WDR11: variants seen among roughly 807,000 people sequenced by gnomAD.
WDR11 encodes the protein WD repeat domain 11.
A neutral mutation model predicts 151.2 loss-of-function variants in WDR11; 83 were observed. The observed-to-expected ratio is 0.55, with a 90% CI of 0.46 to 0.66. The LOEUF is 0.66. Among genes scored for constraint, WDR11 ranks in the 30% least tolerant of loss-of-function variants. WDR11 has a pLI of 0.00. For synonymous variants in WDR11, 484 were observed against 533.1 expected (o/e 0.91, Z 1.27); for missense variants, 1,301 against 1,480.9 (o/e 0.88, Z 1.99).
At chr10:120,852,662 A>C (rs1245699830) in intron 2 of WDR11, 27 bp downstream of exon 2, 1 of 1,580,574 alleles carries the variant, frequency 6.3e-7, no homozygotes, top group Admixed American at 1.7e-5. Context: ...TTTGACGCTA[A>C]CATGTTGTCT....
At chr10:120,865,316 C>A in intron 6 of WDR11, 104 bp downstream of exon 6, 1 of 1,201,648 alleles carries the variant, frequency 8.3e-7, no homozygotes, top group Non-Finnish European at 1.2e-6. Context: ...TCCACTTTCT[C>A]TTTTCAATTT....
intron 25 of WDR11, 107 bp downstream of exon 25, chr10:120,904,918 G>GA: frequency 7.9e-7 from 1 of 1,261,924 alleles, no homozygotes. Flanking sequence ...ATATGCTGAA[G>GA]AAAAATAGAA....
intron 17 of WDR11, 138 bp from the exon 18 acceptor site, chr10:120,889,757 C>A: frequency 1.4e-6 from 1 of 701,090 alleles, no homozygotes; most frequent in Admixed American, 2.1e-5. Context: ...TCAGATGTGG[C>A]CCCCAGTCCC....
At chr10:120,890,208 A>T (rs182435089) in intron 18 of WDR11, among the ~76,000 whole-genome samples, 199 bp downstream of exon 18, 2 of 151,520 alleles carry the variant, frequency 1.3e-5, no homozygotes, top group Non-Finnish European at 2.9e-5. Context: ...TTATTTATTT[A>T]TTTATTTTTA....
In WDR11 at chr10:120,866,603, A is replaced by T; in HGVS notation, c.1029A>T (p.Leu343Phe). 6.2e-7 allele frequency: 1 copy of T among 1,614,204 alleles called. No homozygotes were observed. Among genetic ancestry groups the T allele is most frequent in the Non-Finnish European group, 8.5e-7 (1 of 1,180,042 alleles). The change falls in exon 8 of 29, where the codon TTA becomes TTT. Residue 343 changes from leucine to phenylalanine, a missense_variant. Leu to Phe is a conservative substitution (Grantham distance 22). This residue lies in a region of WDR11 where 692 missense variants were observed against 762.5 expected (regional missense o/e 0.91). Transcript: ENST00000263461. Reference protein sequence around the residue: ...PDPVQELTYDLRSQCDAIRVT... With the variant: ...PDPVQELTYDFRSQCDAIRVT... ...CAGTTCAGGAGCTTACCTATGATTT[A>T]CGAAGCCAGTGTGATGCAATCAGGG...
intron 5 of WDR11, among the ~76,000 whole-genome samples, chr10:120,863,830 C>T (rs12263051): frequency 0.3 from 46,024 of 151,860 alleles, 7,369 homozygotes; most frequent in East Asian, 0.42. Flanking sequence ...AGTATCACTT[C>T]TATATATTAA....
In WDR11 at chr10:120,885,831, C is replaced by T. The variant is rs1847196897; in HGVS notation, c.1866C>T (p.His622=). ...TITALEWSPS[H]NLKSLRKKQL... is the part of the protein sequence containing the mutation. ...CTTTACAGGAGTGGTCACCATCTCA[C>T]AACTTGAAGAGCCTGAGAAAGAAGC... The change falls in exon 15 of 29, where the codon CAC becomes CAT. Residue 622 remains histidine, a synonymous_variant. Coordinates refer to ENST00000263461, the MANE Select transcript of WDR11 (RefSeq NM_018117.12). 4 of 1,613,738 alleles carry T rather than the reference C, an allele frequency of 2.5e-6. No individual in the cohort carries two copies. In the African/African-American group the frequency reaches 4.0e-5, roughly 16 times the overall value.
intron 25 of WDR11, 115 bp downstream of exon 25, chr10:120,904,926 G>A (rs913252150): frequency 2.6e-5 from 32 of 1,222,364 alleles, no homozygotes; most frequent in Admixed American, 3.9e-5. Context: ...AAGAAAAATA[G>A]AAAAATTATT....
At position 120,908,819 on chromosome 10, in the gene WDR11, G is replaced by T; in HGVS notation, c.*106G>T. 1 of 1,294,220 alleles carries T rather than the reference G, an allele frequency of 7.7e-7. No individual in the cohort carries two copies. Among genetic ancestry groups the T allele is most frequent in the Non-Finnish European group, 1.1e-6 (1 of 900,706 alleles). The allele number at this position is 1,294,220 out of a possible 1,614,324, so 80.2% of individuals were successfully genotyped here. ...AGGATGAAGAGGAGTACAGGGTCCT[G>T]TGAGCTGTTTGACCACTGTTCTAAG... On this transcript the variant is annotated 3_prime_UTR_variant, in exon 29 of 29. Coordinates refer to ENST00000263461, the MANE Select transcript of WDR11 (RefSeq NM_018117.12).
rs933648575 is a variant in WDR11, at chr10:120,861,852, G to C, written c.527-883G>C. ...TTGCTAAATATGGTGCTCCCTCCTTGACTATTTTTGTTTCATGTACACTTA... is the reference window on the plus strand; with the variant it reads ...TTGCTAAATATGGTGCTCCCTCCTTCACTATTTTTGTTTCATGTACACTTA... On this transcript the variant is annotated intron_variant, in intron 4 of 28. Transcript: ENST00000263461. Among the ~76,000 whole-genome samples, 10 of 152,090 alleles carry C rather than the reference G, an allele frequency of 6.6e-5. 1 individual carries two copies. The highest frequency in any genetic ancestry group is 2.4e-4 in the African/African-American group (10 of 41,420).
intron 9 of WDR11, among the ~76,000 whole-genome samples, chr10:120,867,507 T>G (rs1239643662): frequency 6.6e-6 from 1 of 152,242 alleles, no homozygotes; most frequent in Non-Finnish European, 1.5e-5. Flanking sequence ...TGCTGTTTGC[T>G]GGTTCCTCAG....
Position 120,862,772 on chromosome 10 carries a change from C to G in WDR11, c.564C>G (p.Phe188Leu), listed in dbSNP as rs1374166514. The change falls in exon 5 of 29, where the codon TTC becomes TTG. Residue 188 changes from phenylalanine (F) to leucine (L), a missense_variant. Around this residue, in one of 3 missense-constraint regions of WDR11, gnomAD observed 692 missense variants for 762.5 expected, o/e 0.91. Transcript: ENST00000263461. ...AGGGTATTGTTTTCATCTCAGACTT[C>G]TCCCCATCCAAGCCTCCCTCAGGCC... is the stretch of plus-strand genomic sequence containing the variant. ...TSEGIVFISDFSPSKPPSGPG... is the reference protein window; with the variant it reads ...TSEGIVFISDLSPSKPPSGPG... The G allele has an allele frequency of 6.2e-7, 1 of 1,614,030 alleles. No individual in the cohort carries two copies. The highest frequency in any genetic ancestry group is 8.5e-7 in the Non-Finnish European group (1 of 1,180,036).
At chr10:120,859,253 C>T (rs1231030537) in intron 3 of WDR11, among the ~76,000 whole-genome samples, 5 of 148,996 alleles carry the variant, frequency 3.4e-5, no homozygotes, top group Non-Finnish European at 5.9e-5. Flanking sequence ...AAAACCAGTA[C>T]GGTATTCTTT....
chr10:120,852,330 A>G, intron 1 of WDR11, 194 bp from the exon 2 acceptor site: 1 of 570,244 alleles, frequency 1.8e-6, no homozygotes. Flanking sequence ...ATGAAAAGTG[A>G]ATTTCAACAA....
chr10:120,904,047 A>G lies in WDR11; in HGVS notation c.2932A>G (p.Lys978Glu). 2 of 1,605,638 alleles carry G rather than the reference A, an allele frequency of 1.2e-6. No homozygotes were observed. The highest frequency in any genetic ancestry group is 1.7e-6 in the Non-Finnish European group (2 of 1,173,050). Residue 978 changes from lysine to glutamate, a missense_variant and splice_region_variant, in exon 24 of 29, where the codon AAA becomes GAA. Coordinates refer to ENST00000263461, the MANE Select transcript of WDR11 (RefSeq NM_018117.12). Reference protein sequence around the residue: ...DVLCENAYFQKFQLERVNLQE... With the variant: ...DVLCENAYFQEFQLERVNLQE... ...ATTTTTCTTTTTTTTCCAATTCTAG[A>G]AATTTCAGCTAGAAAGGGTTAATCT...
At chr10:120,900,214 G>A (rs1847763480) in intron 20 of WDR11, 77 bp downstream of exon 20, 3 of 1,211,408 alleles carry the variant, frequency 2.5e-6, no homozygotes, top group African/African-American at 3.0e-5. Flanking sequence ...GCCATGGCCT[G>A]TACTCCAGCA....
chr10:120,889,583 T>G (rs1015861287), intron 17 of WDR11: 1 of 431,534 alleles, frequency 2.3e-6, no homozygotes, highest in Non-Finnish European at 4.3e-6. Context: ...GCTTGTGACT[T>G]GGCAAGAAGG....
chr10:120,900,196 G>GA, intron 20 of WDR11, 59 bp downstream of exon 20: 1 of 1,419,610 alleles, frequency 7.0e-7, no homozygotes, highest in East Asian at 2.3e-5. Context: ...AGACACCCAT[G>GA]AAAGTCAGCC....
intron 9 of WDR11, 98 bp from the exon 10 acceptor site, chr10:120,871,072 T>G: frequency 1.6e-6 from 2 of 1,251,816 alleles, no homozygotes; most frequent in South Asian, 2.7e-5. Flanking sequence ...ACATTATACT[T>G]TTAGACCTGA....
Sources: gnomAD v4.1 joint callset for allele counts (sites outside exome capture counted in the v4.1 genomes callset) on GRCh38, gnomAD v4.1.1 for gene constraint, gnomAD v4.1.1 regional missense constraint, MANE v1.5 for transcripts, NCBI Gene and HGNC (gene_info 2026-07-23, HGNC 2026-07-21) for gene names.